The following ZZZ3 variants were observed in gnomAD, a reference collection of about 807,000 sequenced individuals.
The protein encoded by ZZZ3 is zinc finger ZZ-type containing 3, also known as ZZ-type zinc finger-containing protein 3.
ZZZ3 carries 22 observed loss-of-function variants against 95.2 expected under a neutral mutation model. The ratio of observed to expected loss-of-function variants is 0.23; its 90% confidence interval spans 0.17 to 0.33. The LOEUF (loss-of-function observed/expected upper bound fraction) is 0.33, where lower values mean the gene tolerates loss of function less well. Ranked by LOEUF, ZZZ3 falls within the 10% of genes least tolerant of loss-of-function variation. ZZZ3 has a pLI of 1.00. For synonymous variants in ZZZ3, 335 were observed against 358.9 expected, an observed-to-expected ratio of 0.93 and a Z score of 0.75; for missense variants, 885 against 1,066.5, an observed-to-expected ratio of 0.83 and a Z score of 2.37.
chr1:77,679,341 T>A (rs1287404174), intron 1 of ZZZ3, among the ~76,000 whole-genome samples: 1 of 152,222 alleles, frequency 6.6e-6, no homozygotes, highest in Non-Finnish European at 1.5e-5. Context: ...TCACTCACTC[T>A]GTTGCCCAGG....
chr1:77,640,626 G>A (rs942408409), intron 3 of ZZZ3, among the ~76,000 whole-genome samples: 4 of 150,010 alleles, frequency 2.7e-5, no homozygotes, highest in Admixed American at 6.6e-5. Context: ...AAGAGAGAAT[G>A]TACAATCTGC....
chr1:77,569,402 T>A (rs1054465811), intron 12 of ZZZ3, among the ~76,000 whole-genome samples: 3 of 152,222 alleles, frequency 2.0e-5, no homozygotes, highest in African/African-American at 7.2e-5. Context: ...CTTCAAGGTA[T>A]AAAGTCTATT....
At chr1:77,671,617 G>A (rs1194135821) in intron 1 of ZZZ3, among the ~76,000 whole-genome samples, 2 of 152,076 alleles carry the variant, frequency 1.3e-5, no homozygotes, top group African/African-American at 4.8e-5. Context: ...TATAGAATGA[G>A]GGTTACAGTA....
rs374827319 is a variant in ZZZ3, at chr1:77,591,264, G to T, written c.1506-6609C>A. ...GAAGGGCTCAAAGAGTTTACAGGAA[G>T]TGCAAATTCAGTAACTCACAAATAA... On this transcript the variant is annotated intron_variant, in intron 5 of 14. Coordinates refer to ENST00000370801, the MANE Select transcript of ZZZ3 (RefSeq NM_015534.6). Among the ~76,000 whole-genome samples the T allele has an allele frequency of 7.2e-5, 11 of 152,314 alleles. No homozygotes were observed. The East Asian group carries it at 2.1e-3, about 29-fold the overall frequency.
At chr1:77,586,282 C>T (rs1264236297) in intron 5 of ZZZ3, among the ~76,000 whole-genome samples, 2 of 152,172 alleles carry the variant, frequency 1.3e-5, no homozygotes, top group East Asian at 3.9e-4. Flanking sequence ...CAGCTGAATA[C>T]AACCAAAGAC....
chr1:77,565,162 T>G lies in ZZZ3; in HGVS notation c.*478A>C, dbSNP rs1352008596. ...AATGACCACCACTGGGACAGTGAGT[T>G]CTTTTAAAGTGTATATCCTAGAAGC... On this transcript the variant is annotated 3_prime_UTR_variant, in exon 15 of 15. Transcript: ENST00000370801. 2 of 152,606 alleles carry G rather than the reference T, an allele frequency of 1.3e-5. No homozygotes were observed. Among genetic ancestry groups the G allele is most frequent in the Non-Finnish European group, 1.5e-5 (1 of 68,266 alleles). 9.5% of individuals were successfully genotyped at this position (152,606 alleles called of 1,614,324 possible).
At chr1:77,609,879 C>A (rs1428478221) in intron 5 of ZZZ3, among the ~76,000 whole-genome samples, 1 of 151,858 alleles carries the variant, frequency 6.6e-6, no homozygotes, top group Non-Finnish European at 1.5e-5. Flanking sequence ...CTATAGGATA[C>A]AGCAAAAGCC....
intron 1 of ZZZ3, among the ~76,000 whole-genome samples, chr1:77,662,333 A>C (rs1481139549): frequency 6.6e-6 from 1 of 151,594 alleles, no homozygotes; most frequent in Non-Finnish European, 1.5e-5. Context: ...TTGTAGAGAC[A>C]AGTTCTCGCT....
At chr1:77,681,539 T>TA (rs1198926050) in intron 1 of ZZZ3, among the ~76,000 whole-genome samples, 2 of 152,128 alleles carry the variant, frequency 1.3e-5, no homozygotes, top group Admixed American at 1.3e-4. Flanking sequence ...TTAAGAAAAA[T>TA]AAAGCTCAAA....
intron 4 of ZZZ3, among the ~76,000 whole-genome samples, chr1:77,636,275 C>T (rs916142390): frequency 1.3e-5 from 2 of 152,192 alleles, no homozygotes; most frequent in African/African-American, 4.8e-5. Context: ...ACTTCCTTAA[C>T]CTTTTCTTTC....
chr1:77,572,866 G>A (rs1158060428), intron 12 of ZZZ3, among the ~76,000 whole-genome samples: 1 of 148,468 alleles, frequency 6.7e-6, no homozygotes, highest in Non-Finnish European at 1.5e-5. Flanking sequence ...GGCTGGTCTT[G>A]AACTCCCAGG....
At chr1:77,637,491 A>C (rs1306038569) in intron 4 of ZZZ3, among the ~76,000 whole-genome samples, 1 of 152,112 alleles carries the variant, frequency 6.6e-6, no homozygotes, top group African/African-American at 2.4e-5. Flanking sequence ...TAATAAACTG[A>C]GTGCAAAATT....
At chr1:77,600,252 C>G (rs1317939644) in intron 5 of ZZZ3, among the ~76,000 whole-genome samples, 2 of 152,116 alleles carry the variant, frequency 1.3e-5, no homozygotes, top group African/African-American at 4.8e-5. Flanking sequence ...ATAAGCCAAA[C>G]ATATACTCAG....
At chr1:77,575,573 A>C (rs903818193) in intron 12 of ZZZ3, among the ~76,000 whole-genome samples, 8 of 152,226 alleles carry the variant, frequency 5.3e-5, no homozygotes, top group Non-Finnish European at 1.2e-4. Context: ...CATACTGCAA[A>C]ATTCTATAAG....
At chr1:77,651,290 T>C (rs2100965853) in intron 1 of ZZZ3, among the ~76,000 whole-genome samples, 1 of 151,934 alleles carries the variant, frequency 6.6e-6, no homozygotes, top group East Asian at 1.9e-4. Context: ...GAGGCTGAGG[T>C]GGGAGGATCA....
In ZZZ3 at chr1:77,637,914, T is replaced by G. The variant is rs140938046; in HGVS notation, c.-52+1535A>C. On this transcript the variant is annotated intron_variant, in intron 4 of 14. Transcript: ENST00000370801. ...CCCTGTTGGCTAACAAAATAAGAGG[T>G]ATATGGTAAAAACCTTAGCCAGCAT... Among the ~76,000 whole-genome samples the G allele has an allele frequency of 2.8e-3, 424 of 152,176 alleles. 2 individuals carry two copies. Among genetic ancestry groups the G allele is most frequent in the African/African-American group, 9.6e-3 (399 of 41,526 alleles).
rs368991383 is a variant in ZZZ3 at position 77,612,919 on chromosome 1, TTAAG to T, written c.1505+18927_1505+18930del. ...TAATAAATTATATTAGAGATTTTTATTAAGTAAGCAGATTTCAGTTGCTCTTGTC... is the reference window on the plus strand; with the variant it reads ...TAATAAATTATATTAGAGATTTTTATTAAGCAGATTTCAGTTGCTCTTGTC... On this transcript the variant is annotated intron_variant, in intron 5 of 14. Coordinates refer to ENST00000370801, the MANE Select transcript of ZZZ3 (RefSeq NM_015534.6). 2.9e-4 allele frequency among the ~76,000 whole-genome samples: 44 copies of T among 152,140 alleles called. No homozygotes were observed. In the East Asian group the frequency reaches 7.5e-3, roughly 26 times the overall value.
intron 5 of ZZZ3, among the ~76,000 whole-genome samples, chr1:77,621,306 C>T (rs1286352965): frequency 1.3e-5 from 2 of 151,408 alleles, no homozygotes; most frequent in East Asian, 3.9e-4. Context: ...ACAGAAGGAG[C>T]CTGTCTCTAC....
chr1:77,636,474 A>C (rs1668305925), intron 4 of ZZZ3, among the ~76,000 whole-genome samples: 1 of 152,158 alleles, frequency 6.6e-6, no homozygotes, highest in African/African-American at 2.4e-5. Context: ...GGACTTTGGG[A>C]AACCGAGGTA....
Sources: gnomAD v4.1 joint callset for allele counts (sites outside exome capture counted in the v4.1 genomes callset) on GRCh38, gnomAD v4.1.1 for gene constraint, MANE v1.5 for transcripts, NCBI Gene and HGNC (gene_info 2026-07-23, HGNC 2026-07-21) for gene names.